AFG2A: variants seen among roughly 807,000 people sequenced by gnomAD.
AFG2A encodes AAA ATPase AFG2A, also known as ATPase family gene 2 protein homolog A.
At chr4:123,179,799 A>G in the AFG2A span, among the ~76,000 whole-genome samples, 1 of 152,238 alleles carries the variant, frequency 6.6e-6, no homozygotes, top group Non-Finnish European at 1.5e-5. Flanking sequence ...TAGTGCCTTT[A>G]TCATTGGATA....
chr4:122,926,566 A>G, the AFG2A span, among the ~76,000 whole-genome samples: 1 of 152,210 alleles, frequency 6.6e-6, no homozygotes, highest in African/African-American at 2.4e-5. Flanking sequence ...GTGACAGAAT[A>G]ATGTAAATCA....
the AFG2A span, among the ~76,000 whole-genome samples, chr4:123,058,079 CATGTG>C: frequency 2.0e-5 from 3 of 152,274 alleles, no homozygotes; most frequent in South Asian, 4.2e-4. Context: ...AGAGCTGCCT[CATGTG>C]ATGAGAGTAT....
chr4:123,031,015 A>G, the AFG2A span, among the ~76,000 whole-genome samples: 1 of 152,212 alleles, frequency 6.6e-6, no homozygotes, highest in Non-Finnish European at 1.5e-5. Flanking sequence ...GAATATGAAA[A>G]TAATTTGTCT....
chr4:123,158,512 C>T, the AFG2A span, among the ~76,000 whole-genome samples: 1 of 152,134 alleles, frequency 6.6e-6, no homozygotes, highest in South Asian at 2.1e-4. Context: ...ATGAATAAAA[C>T]ATCACTTCAG....
the AFG2A span, among the ~76,000 whole-genome samples, chr4:123,290,241 TG>T: frequency 5.4e-3 from 819 of 152,324 alleles, 9 homozygotes; most frequent in African/African-American, 0.018. Context: ...TTGTTGCTTG[TG>T]CTTTTGAGGT....
the AFG2A span, among the ~76,000 whole-genome samples, chr4:123,278,650 G>A: frequency 6.6e-6 from 1 of 152,116 alleles, no homozygotes; most frequent in African/African-American, 2.4e-5. Flanking sequence ...CAGGTATGTT[G>A]TATCTTTGTT....
the AFG2A span, chr4:122,947,593 G>A: frequency 3.9e-6 from 5 of 1,283,524 alleles, no homozygotes; most frequent in Non-Finnish European, 5.1e-6. Context: ...AAGTAGCTTT[G>A]TTTCTAATTA....
the AFG2A span, chr4:123,056,315 T>C: frequency 1.4e-6 from 2 of 1,413,228 alleles, no homozygotes; most frequent in Non-Finnish European, 1.9e-6. Flanking sequence ...GTATATTTTT[T>C]CTACTTCATT....
At chr4:122,983,386 G>T in the AFG2A span, among the ~76,000 whole-genome samples, 4 of 151,396 alleles carry the variant, frequency 2.6e-5, no homozygotes, top group Admixed American at 1.3e-4. Context: ...TTTCTTTGTT[G>T]TGTAAAATTA....
At chr4:123,038,974 T>C in the AFG2A span, among the ~76,000 whole-genome samples, 2 of 152,106 alleles carry the variant, frequency 1.3e-5, no homozygotes, top group Admixed American at 1.3e-4. Context: ...TTTACCTGTA[T>C]GTTGGATATT....
the AFG2A span, among the ~76,000 whole-genome samples, chr4:123,144,260 A>G: frequency 6.6e-6 from 1 of 152,066 alleles, no homozygotes; most frequent in Non-Finnish European, 1.5e-5. Context: ...TTAGCTCTAT[A>G]TATCTGTTGG....
At chr4:123,262,288 C>T in the AFG2A span, among the ~76,000 whole-genome samples, 1 of 152,190 alleles carries the variant, frequency 6.6e-6, no homozygotes, top group Non-Finnish European at 1.5e-5. Flanking sequence ...GCTGAAGTGG[C>T]ACTTTCTAGT....
chr4:123,302,786 A>G, the AFG2A span, among the ~76,000 whole-genome samples: 2 of 152,168 alleles, frequency 1.3e-5, no homozygotes, highest in Non-Finnish European at 2.9e-5. Context: ...GGGACTATAA[A>G]ACTGATCCTA....
the AFG2A span, among the ~76,000 whole-genome samples, chr4:123,296,864 T>C: frequency 6.6e-6 from 1 of 152,226 alleles, no homozygotes; most frequent in Admixed American, 6.5e-5. Flanking sequence ...TGAGCAAGTT[T>C]ACAAAGTGGG....
chr4:123,220,086 G>A, the AFG2A span, among the ~76,000 whole-genome samples: 2 of 151,980 alleles, frequency 1.3e-5, no homozygotes, highest in African/African-American at 2.4e-5. Flanking sequence ...GGCCGGGATG[G>A]TCTCGATCTC....
the AFG2A span, chr4:122,929,075 A>C: frequency 5.0e-6 from 8 of 1,613,640 alleles, no homozygotes; most frequent in African/African-American, 2.7e-5. Context: ...GATTTCCTGG[A>C]GGCAAGGTCG....
At chr4:122,928,221 G>A in the AFG2A span, among the ~76,000 whole-genome samples, 990 of 152,144 alleles carry the variant, frequency 6.5e-3, 13 homozygotes, top group African/African-American at 0.023. Flanking sequence ...ATTATTTTGG[G>A]GGTAAGAAGG....
chr4:123,269,379 A>G, the AFG2A span, among the ~76,000 whole-genome samples: 27 of 152,182 alleles, frequency 1.8e-4, no homozygotes, highest in Non-Finnish European at 7.3e-5. Context: ...CTTCATTCTT[A>G]TTTCTCAGAA....
At chr4:123,017,948 C>G in the AFG2A span, among the ~76,000 whole-genome samples, 1 of 152,174 alleles carries the variant, frequency 6.6e-6, no homozygotes, top group Non-Finnish European at 1.5e-5. Context: ...ATTCCTCTCT[C>G]ATAGTAATTT....
Sources: gnomAD v4.1 joint callset for allele counts (sites outside exome capture counted in the v4.1 genomes callset) on GRCh38, gnomAD v4.1.1 for gene constraint, MANE v1.5 for transcripts, NCBI Gene and HGNC (gene_info 2026-07-23, HGNC 2026-07-21) for gene names.